ARHGAP35: variants seen among roughly 807,000 people sequenced by gnomAD.
ARHGAP35 encodes the protein Rho GTPase activating protein 35.
Under a neutral mutation model 111.1 loss-of-function variants are expected in ARHGAP35, and 15 were observed. The ratio of observed to expected loss-of-function variants is 0.13; its 90% confidence interval spans 0.09 to 0.21. The LOEUF (loss-of-function observed/expected upper bound fraction) is 0.21. Among genes scored for constraint, ARHGAP35 ranks in the 10% least tolerant of loss-of-function variants. ARHGAP35 has a pLI of 1.00. For synonymous variants in ARHGAP35, 643 were observed against 710.3 expected (o/e 0.91, Z 1.51); for missense variants, 1,262 against 1,873.0 (o/e 0.67, Z 6.02).
At chr19:46,892,646 CTTT>C (rs10711524) in intron 1 of ARHGAP35, among the ~76,000 whole-genome samples, 6 of 132,682 alleles carry the variant, frequency 4.5e-5, no homozygotes, top group Admixed American at 1.5e-4. Flanking sequence ...TTGTTGGCTG[CTTT>C]TTTTTTTTTT....
intron 1 of ARHGAP35, among the ~76,000 whole-genome samples, chr19:46,869,819 ATGAT>A (rs1461755167): frequency 2.0e-5 from 3 of 152,104 alleles, no homozygotes; most frequent in Non-Finnish European, 4.4e-5. Context: ...GCGTACCTAA[ATGAT>A]TGGTGATAAA....
intron 1 of ARHGAP35, among the ~76,000 whole-genome samples, chr19:46,892,123 TAAAAAAAAAAAAAA>T (rs1178888092): frequency 1.9e-5 from 1 of 53,894 alleles, no homozygotes; most frequent in Non-Finnish European, 3.6e-5. Context: ...CTGTCTCTAC[TAAAAAAAAAAAAAA>T]AAAAAAAAAA....
intron 3 of ARHGAP35, among the ~76,000 whole-genome samples, chr19:46,951,681 G>A (rs1328559731): frequency 2.6e-5 from 4 of 152,200 alleles, no homozygotes; most frequent in Admixed American, 6.5e-5. Flanking sequence ...TGCTACTGTT[G>A]TTGGTGTTAT....
intron 1 of ARHGAP35, among the ~76,000 whole-genome samples, chr19:46,888,195 G>GCC (rs2056002459): frequency 1.5e-5 from 2 of 137,826 alleles, no homozygotes; most frequent in Non-Finnish European, 3.1e-5. Context: ...CTTGTGATCC[G>GCC]CCCACCTCGG....
At chr19:46,862,030 G>A (rs1311762447) in intron 1 of ARHGAP35, among the ~76,000 whole-genome samples, 2 of 152,110 alleles carry the variant, frequency 1.3e-5, no homozygotes, top group Non-Finnish European at 2.9e-5. Flanking sequence ...CTCGGACTTG[G>A]CTGCACCGTG....
At chr19:46,940,359 CAAAAA>C (rs529022109) in intron 3 of ARHGAP35, among the ~76,000 whole-genome samples, 1 of 114,052 alleles carries the variant, frequency 8.8e-6, no homozygotes, top group South Asian at 3.0e-4. Context: ...AACTGTGTCT[CAAAAA>C]AAAAAAAAAA....
intron 5 of ARHGAP35, among the ~76,000 whole-genome samples, chr19:46,990,836 A>G (rs1416811530): frequency 1.3e-5 from 2 of 152,222 alleles, no homozygotes; most frequent in Non-Finnish European, 2.9e-5. Flanking sequence ...CAATAGTGAC[A>G]GGGCTGCGGG....
chr19:46,984,018 TTC>T (rs1193394524), intron 3 of ARHGAP35, among the ~76,000 whole-genome samples: 1 of 152,224 alleles, frequency 6.6e-6, no homozygotes, highest in African/African-American at 2.4e-5. Context: ...ATCTTGGCTG[TTC>T]TGAGCTTTTT....
At chr19:46,900,222 G>GC (rs1555755689) in intron 1 of ARHGAP35, among the ~76,000 whole-genome samples, 2 of 128,666 alleles carry the variant, frequency 1.6e-5, no homozygotes, top group African/African-American at 5.8e-5. Flanking sequence ...TGTTTTTTGG[G>GC]TTTTTTTTTT....
chr19:46,907,639 C>T (rs796219879), intron 1 of ARHGAP35, among the ~76,000 whole-genome samples: 5 of 149,700 alleles, frequency 3.3e-5, no homozygotes, highest in African/African-American at 1.2e-4. Context: ...CCACTATGAC[C>T]GGCTAATTTT....
At chr19:46,980,766 A>C (rs976419628) in intron 3 of ARHGAP35, among the ~76,000 whole-genome samples, 2 of 152,208 alleles carry the variant, frequency 1.3e-5, no homozygotes, top group African/African-American at 4.8e-5. Context: ...CAGGGGCAGG[A>C]TTCGAACCCA....
intron 3 of ARHGAP35, among the ~76,000 whole-genome samples, chr19:46,959,465 C>G (rs890823025): frequency 6.6e-6 from 1 of 151,720 alleles, no homozygotes; most frequent in Non-Finnish European, 1.5e-5. Flanking sequence ...ATGACAGGAT[C>G]TCTGCTCACT....
At chr19:46,925,915 G>A (rs188848546) in intron 2 of ARHGAP35, among the ~76,000 whole-genome samples, 4 of 152,226 alleles carry the variant, frequency 2.6e-5, no homozygotes, top group African/African-American at 7.2e-5. Flanking sequence ...CTAAAGCAGT[G>A]GCATGAGGTA....
chr19:46,960,412 G>C (rs2056472987), intron 3 of ARHGAP35, among the ~76,000 whole-genome samples: 1 of 152,174 alleles, frequency 6.6e-6, no homozygotes, highest in African/African-American at 2.4e-5. Context: ...GTAGGTGATA[G>C]ACCCCTAGAT....
At chr19:46,861,752 C>G (rs1419498220) in intron 1 of ARHGAP35, among the ~76,000 whole-genome samples, 2 of 152,272 alleles carry the variant, frequency 1.3e-5, no homozygotes, top group South Asian at 2.1e-4. Context: ...GACCTACCTT[C>G]TGTGCTATTA....
intron 2 of ARHGAP35, among the ~76,000 whole-genome samples, chr19:46,925,309 A>G (rs1442963483): frequency 6.6e-6 from 1 of 152,214 alleles, no homozygotes; most frequent in Non-Finnish European, 1.5e-5. Flanking sequence ...CAAACCTCCT[A>G]TTAAAATTGC....
At chr19:46,938,589 G>C (rs311379) in intron 3 of ARHGAP35, among the ~76,000 whole-genome samples, 79,202 of 151,718 alleles carry the variant, frequency 0.52, 21,263 homozygotes, top group Middle Eastern at 0.7. Context: ...CTGACCTCAG[G>C]TGATCTGCCC....
chr19:46,964,718 G>A (rs1313614757), intron 3 of ARHGAP35, among the ~76,000 whole-genome samples: 1 of 152,224 alleles, frequency 6.6e-6, no homozygotes, highest in Non-Finnish European at 1.5e-5. Flanking sequence ...AAGGGCTGGT[G>A]TGGCTCATTG....
At chr19:46,903,700 A>G (rs1259501342) in intron 1 of ARHGAP35, among the ~76,000 whole-genome samples, 1 of 152,218 alleles carries the variant, frequency 6.6e-6, no homozygotes, top group Non-Finnish European at 1.5e-5. Flanking sequence ...TCTTCCTGAT[A>G]TTACTGGCCA....
Sources: allele counts gnomAD v4.1 joint callset (sites outside exome capture counted in the v4.1 genomes callset), GRCh38; gene constraint gnomAD v4.1.1; transcripts MANE v1.5; gene names NCBI Gene and HGNC (gene_info 2026-07-23, HGNC 2026-07-21).